DST: variants seen among roughly 807,000 people sequenced by gnomAD.
DST encodes the protein bullous pemphigoid antigen.
A neutral mutation model predicts 875.2 loss-of-function variants in DST; 253 were observed. The ratio of observed to expected loss-of-function variants is 0.29; its 90% CI spans 0.26 to 0.32. DST has a LOEUF of 0.32. DST is among the 10% of genes least tolerant of loss of function. The pLI, the probability that DST is intolerant of heterozygous loss-of-function variation, is 1.00. For synonymous variants in DST, 3,124 were observed against 3,197.1 expected (o/e 0.98, Z 0.77); for missense variants, 8,287 against 9,111.6 (o/e 0.91, Z 3.68).
intron 3 of DST, among the ~76,000 whole-genome samples, chr6:56,888,880 G>A (rs1456975452): frequency 2.0e-5 from 3 of 152,178 alleles, no homozygotes; most frequent in Admixed American, 6.6e-5. Context: ...GGAAGTGGTG[G>A]TTTAGTTGGG....
intron 4 of DST, among the ~76,000 whole-genome samples, chr6:56,775,088 T>G (rs1175296113): frequency 6.6e-6 from 1 of 151,216 alleles, no homozygotes; most frequent in East Asian, 1.9e-4. Context: ...GCTTCAATAG[T>G]AGAGTGTAAT....
chr6:56,506,671 T>A lies in DST; in HGVS notation c.19358A>T (p.Asp6453Val). 6.2e-7 allele frequency: 1 copy of A among 1,613,568 alleles called. No homozygotes were observed. Among genetic ancestry groups the A allele is most frequent in the Non-Finnish European group, 8.5e-7 (1 of 1,179,668 alleles). The change falls in exon 76 of 104, where the codon GAT becomes GTT. Residue 6453 changes from aspartate (D) to valine (V), a missense_variant. Around this residue, in one of 10 missense-constraint regions of DST, gnomAD observed 1,292 missense variants for 1,552.7 expected, o/e 0.83. Coordinates refer to ENST00000680361, the MANE Select transcript of DST (RefSeq NM_001374736.1). ...PDKPIVKKSIDELNSAWDSLN... is the reference protein window; with the variant it reads ...PDKPIVKKSIVELNSAWDSLN... The stretch of plus-strand genomic sequence containing the variant: ...TGATAAGTAAGCCAGTTGTACCTCA[T>A]CTATACTCTTCTTGACAATGGGTTT...
chr6:56,844,814 G>A (rs2127562069), intron 4 of DST, among the ~76,000 whole-genome samples: 1 of 151,450 alleles, frequency 6.6e-6, no homozygotes, highest in African/African-American at 2.4e-5. Context: ...GGAGGTTGCA[G>A]TGAGCCGAGA....
chr6:56,922,962 T>A (rs1805054745), intron 2 of DST, among the ~76,000 whole-genome samples: 1 of 152,040 alleles, frequency 6.6e-6, no homozygotes, highest in South Asian at 2.1e-4. Context: ...CATGTAAAGA[T>A]CCTAGCACAA....
At chr6:56,632,501 CA>C (rs1442697665) in intron 28 of DST, among the ~76,000 whole-genome samples, 2 of 152,046 alleles carry the variant, frequency 1.3e-5, no homozygotes, top group Admixed American at 1.3e-4. Context: ...GTTAACTAGG[CA>C]AAAACCTTTT....
In DST at chr6:56,501,526, G is replaced by A. The variant is rs2096125655; in HGVS notation, c.19734C>T (p.Asn6578=). The change falls in exon 79 of 104, where the codon AAC becomes AAT. Residue 6578 remains asparagine, a synonymous_variant. Transcript: ENST00000680361. ...GAAAAGTCTTGGTATTTACCTGTCT[G>A]TTGATGATTCTCTCCTCCAGGCTAT... ...IWDSLEERII[N]RQHKLEGALL... The A allele has an allele frequency of 6.4e-7, 1 of 1,565,580 alleles. No individual in the cohort carries two copies. The highest frequency in any genetic ancestry group is 1.4e-5 in the African/African-American group (1 of 73,530).
At chr6:56,726,331 T>C (rs1359897880) in intron 5 of DST, among the ~76,000 whole-genome samples, 1 of 152,222 alleles carries the variant, frequency 6.6e-6, no homozygotes, top group Admixed American at 6.5e-5. Context: ...AGGTTTGCAA[T>C]ATGGTAAACC....
At chr6:56,734,325 T>TA (rs1462619545) in intron 5 of DST, among the ~76,000 whole-genome samples, 1 of 152,202 alleles carries the variant, frequency 6.6e-6, no homozygotes, top group Admixed American at 6.5e-5. Context: ...ATCCATGAAA[T>TA]AAAAATCACT....
intron 9 of DST, among the ~76,000 whole-genome samples, chr6:56,683,901 A>T (rs1297341776): frequency 6.6e-6 from 1 of 152,256 alleles, no homozygotes; most frequent in South Asian, 2.1e-4. Context: ...CTTCATCTGA[A>T]TCACTTATCT....
At chr6:56,715,528 A>T (rs138245009) in intron 5 of DST, among the ~76,000 whole-genome samples, 56 of 152,296 alleles carry the variant, frequency 3.7e-4, no homozygotes, top group African/African-American at 1.3e-3. Flanking sequence ...CCAAGCGCAA[A>T]GAGGGAGGAT....
intron 5 of DST, among the ~76,000 whole-genome samples, chr6:56,725,415 T>C (rs992934312): frequency 1.3e-5 from 2 of 152,136 alleles, no homozygotes; most frequent in Admixed American, 1.3e-4. Context: ...CAGACTACAG[T>C]GAATGAGGTT....
chr6:56,945,428 G>T (rs1379126314), intron 2 of DST, among the ~76,000 whole-genome samples: 2 of 152,302 alleles, frequency 1.3e-5, no homozygotes, highest in East Asian at 3.9e-4. Context: ...AACTGCAGGG[G>T]TTTGGGGACT....
intron 2 of DST, among the ~76,000 whole-genome samples, chr6:56,941,364 C>G (rs1816464154): frequency 1.3e-5 from 2 of 152,138 alleles, no homozygotes; most frequent in South Asian, 4.1e-4. Flanking sequence ...GGAGATATTA[C>G]TGATTCCTAT....
chr6:56,718,892 G>A (rs993209614), intron 5 of DST, among the ~76,000 whole-genome samples: 9 of 152,276 alleles, frequency 5.9e-5, no homozygotes, highest in Non-Finnish European at 1.0e-4. Flanking sequence ...GGTGGTCTAC[G>A]GCTGGAGGCA....
At chr6:56,660,960 C>T (rs2099037701) in intron 10 of DST, among the ~76,000 whole-genome samples, 1 of 146,430 alleles carries the variant, frequency 6.8e-6, no homozygotes. Context: ...TAAAACATAT[C>T]TAATGAATTA....
intron 92 of DST, 37 bp downstream of exon 92, chr6:56,476,112 T>C (rs746290534): frequency 1.8e-5 from 27 of 1,510,928 alleles, no homozygotes; most frequent in Middle Eastern, 1.9e-4. Flanking sequence ...ATATCTGAGA[T>C]AATGGTTAAC....
intron 17 of DST, 82 bp downstream of exon 17, chr6:56,641,865 T>G: frequency 9.1e-7 from 1 of 1,096,612 alleles, no homozygotes; most frequent in South Asian, 1.9e-5. Context: ...CATAAAATTT[T>G]CATACTCTAC....
At chr6:56,925,555 T>C (rs1289320949) in intron 2 of DST, among the ~76,000 whole-genome samples, 2 of 152,232 alleles carry the variant, frequency 1.3e-5, no homozygotes, top group African/African-American at 2.4e-5. Flanking sequence ...ACAATGTTTA[T>C]ACAGTTCAGA....
intron 15 of DST, among the ~76,000 whole-genome samples, chr6:56,643,420 A>G (rs752306515): frequency 1.3e-5 from 2 of 152,202 alleles, no homozygotes; most frequent in Non-Finnish European, 2.9e-5. Context: ...TCTTTATATG[A>G]CACGCTCCCA....
Sources: allele counts gnomAD v4.1 joint callset (sites outside exome capture counted in the v4.1 genomes callset), GRCh38; gene constraint gnomAD v4.1.1; regional missense constraint gnomAD v4.1.1; transcripts MANE v1.5; gene names NCBI Gene and HGNC (gene_info 2026-07-23, HGNC 2026-07-21).